COL20A1: variants seen among roughly 807,000 people sequenced by gnomAD.
COL20A1 encodes the protein collagen type XX alpha 1 chain, also known as collagen alpha-1(XX) chain.
Under a neutral mutation model 152.9 loss-of-function variants are expected in COL20A1, and 164 were observed. The ratio of observed to expected loss-of-function variants is 1.07; its 90% CI spans 0.94 to 1.22. COL20A1 has a LOEUF of 1.22. Among genes scored for constraint, COL20A1 ranks in the 50% most tolerant of loss-of-function variants. The pLI is 0.00. For missense variants in COL20A1, 1,873 were observed against 1,744.8 expected (o/e 1.07, Z -1.31); for synonymous variants, 864 against 756.0 (o/e 1.14, Z -2.34).
At chr20:63,312,304 C>T (rs972844568) in intron 14 of COL20A1, 116 bp from the exon 15 acceptor site, 11 of 1,284,978 alleles carry the variant, frequency 8.6e-6, no homozygotes, top group Admixed American at 5.9e-5. Context: ...CCATTTTCCC[C>T]GTTTCTGGGG....
Position 63,319,651 on chromosome 20 carries a change from AG to A in COL20A1, c.2916+56del. 1 of 1,298,404 alleles carries A rather than the reference AG, an allele frequency of 7.7e-7. No homozygotes were observed. The highest frequency in any genetic ancestry group is 1.1e-6 in the Non-Finnish European group (1 of 922,844). 80.4% of individuals were successfully genotyped at this position (1,298,404 alleles called of 1,614,324 possible). A position where few individuals can be genotyped will look rare whatever the true frequency, so the allele number is the denominator to read the frequency against. On this transcript the variant is annotated intron_variant, in intron 23 of 35. Transcript: ENST00000358894. This position sits in a 1 kb window ranked among gnomAD's most constrained non-coding sequence, Gnocchi z 4.4. ...CGTTCCCCCAGCTCTGGGGCAGCCC[AG>A]CCCCACAGGGACCTGCCGGATGCCA...
rs570720712 is a variant in COL20A1 at position 63,331,658 on chromosome 20, G to C, written c.*942G>C. ...TCTGGGCCTTGTGGCCCGTGGGGGTGATGTGGGAACTTCTACTTCCTTTCC... is the reference window on the plus strand; with the variant it reads ...TCTGGGCCTTGTGGCCCGTGGGGGTCATGTGGGAACTTCTACTTCCTTTCC... On this transcript the variant is annotated 3_prime_UTR_variant, in exon 36 of 36. Transcript: ENST00000358894. 17 of 152,346 alleles carry C rather than the reference G, an allele frequency of 1.1e-4. No individual in the cohort carries two copies. The highest frequency in any genetic ancestry group is 4.1e-4 in the African/African-American group (17 of 41,578). 9.4% of individuals were successfully genotyped at this position (152,346 alleles called of 1,614,324 possible). A position where few individuals can be genotyped will look rare whatever the true frequency, so the allele number is the denominator to read the frequency against.
chr20:63,325,466 A>G lies in COL20A1; in HGVS notation c.3320A>G (p.Lys1107Arg). The G allele has an allele frequency of 6.2e-7, 1 of 1,612,658 alleles. No individual in the cohort carries two copies. Among genetic ancestry groups the G allele is most frequent in the Non-Finnish European group, 8.5e-7 (1 of 1,179,542 alleles). ...GGTCCACCAGGGGTCAAAGGAGAGAAGGGAGACCATGGGCTTCCAGGCTTG... is the reference window on the plus strand; with the variant it reads ...GGTCCACCAGGGGTCAAAGGAGAGAGGGGAGACCATGGGCTTCCAGGCTTG... ...PRGPPGVKGE[K>R]GDHGLPGLQG... Residue 1107 changes from lysine to arginine, a missense_variant, in exon 28 of 36, where the codon AAG (lysine) becomes AGG (arginine). Transcript: ENST00000358894.
In COL20A1 at chr20:63,308,724, C is replaced by T. The variant is rs1191786794; in HGVS notation, c.940+18C>T. ...CGCTGTGGGTGAGCACCATGCGGCT[C>T]CCCCGGCCCTGGAGTCTCACCGCCG... On this transcript the variant is annotated intron_variant, in intron 8 of 35. Transcript: ENST00000358894. 6.4e-7 allele frequency: 1 copy of T among 1,565,932 alleles called. No homozygotes were observed. The highest frequency in any genetic ancestry group is 1.7e-4 in the Middle Eastern group (1 of 5,942).
rs1601419896 is a variant in COL20A1 at position 63,311,897 on chromosome 20, G to T, written c.1664-19G>T. The T allele has an allele frequency of 6.6e-7, 1 of 1,526,268 alleles. No homozygotes were observed. Among genetic ancestry groups the T allele is most frequent in the East Asian group, 2.4e-5 (1 of 41,390 alleles). 94.5% of individuals were successfully genotyped at this position (1,526,268 alleles called of 1,614,324 possible). On this transcript the variant is annotated intron_variant, in intron 13 of 35. Transcript: ENST00000358894. The surrounding 1 kb of genome is among the most constrained non-coding windows in gnomAD (Gnocchi z 4.4). ...ATGGAGGCCGCGTGCTGGCCTTGAGGCTCTGCTGTGCTTTGCAGCCACCCT... is the reference window on the plus strand; with the variant it reads ...ATGGAGGCCGCGTGCTGGCCTTGAGTCTCTGCTGTGCTTTGCAGCCACCCT...
chr20:63,315,070 C>T (rs555862895), intron 19 of COL20A1, among the ~76,000 whole-genome samples: 72 of 152,312 alleles, frequency 4.7e-4, no homozygotes, highest in African/African-American at 1.7e-3. Flanking sequence ...CTGGCCCTGC[C>T]AGTTCAGGGC....
chr20:63,327,065 AC>A, intron 31 of COL20A1: 1 of 435,162 alleles, frequency 2.3e-6, no homozygotes, highest in Non-Finnish European at 4.1e-6. Flanking sequence ...CCTGTTGACC[AC>A]CCAAGGACTT....
Position 63,332,395 on chromosome 20 carries a change from G to A in COL20A1, c.*1679G>A, listed in dbSNP as rs573391888. ...AAAACAGCTTGGTTGCTCTCACTTGGTTTCTCCAGGGCGGGGAATTACATG... is the reference window on the plus strand; with the variant it reads ...AAAACAGCTTGGTTGCTCTCACTTGATTTCTCCAGGGCGGGGAATTACATG... On this transcript the variant is annotated 3_prime_UTR_variant, in exon 36 of 36. Transcript: ENST00000358894. 3.3e-5 allele frequency: 5 copies of A among 152,272 alleles called. No individual in the cohort carries two copies. Among genetic ancestry groups the A allele is most frequent in the Admixed American group, 6.5e-5 (1 of 15,286 alleles). 9.4% of individuals were successfully genotyped at this position (152,272 alleles called of 1,614,324 possible). A position where few individuals can be genotyped will look rare whatever the true frequency, so the allele number is the denominator to read the frequency against.
chr20:63,318,629 C>G (rs1325915248), intron 21 of COL20A1, among the ~76,000 whole-genome samples: 1 of 152,136 alleles, frequency 6.6e-6, no homozygotes, highest in Admixed American at 6.5e-5. Context: ...GGCCGGCACC[C>G]CTCACCCTCA....
At position 63,319,844 on chromosome 20, in the gene COL20A1, C is replaced by T. The variant is rs1451916913; in HGVS notation, c.2917-195C>T. On this transcript the variant is annotated intron_variant, in intron 23 of 35. Coordinates refer to ENST00000358894, the MANE Select transcript of COL20A1 (RefSeq NM_020882.4). The surrounding 1 kb of genome is among the most constrained non-coding windows in gnomAD (Gnocchi z 4.4). ...GCTCCTGCAGCAGGTGCCATTTGGT[C>T]CATTTTACAGAGGGGAAGCCGAGGC... Among the ~76,000 whole-genome samples, 1 of 152,150 alleles carries T rather than the reference C, an allele frequency of 6.6e-6. No individual in the cohort carries two copies. Among genetic ancestry groups the T allele is most frequent in the Non-Finnish European group, 1.5e-5 (1 of 67,994 alleles).
At chr20:63,316,771 G>A in intron 21 of COL20A1, 80 bp downstream of exon 21, 2 of 1,351,050 alleles carry the variant, frequency 1.5e-6, no homozygotes, top group South Asian at 1.5e-5. Flanking sequence ...TGGGGGGGCG[G>A]GCATGGGCCG....
At chr20:63,329,729 G>C in intron 35 of COL20A1, 68 bp downstream of exon 35, 6 of 1,154,702 alleles carry the variant, frequency 5.2e-6, no homozygotes, top group Non-Finnish European at 6.0e-6. Context: ...GCTCCTGAGG[G>C]GCCAACGGGT....
intron 35 of COL20A1, among the ~76,000 whole-genome samples, chr20:63,330,021 G>A (rs1316109908): frequency 6.6e-6 from 1 of 152,120 alleles, no homozygotes; most frequent in East Asian, 1.9e-4. Flanking sequence ...TGGAGCTCAG[G>A]TGTTTGCTCA....
At position 63,311,480 on chromosome 20, in the gene COL20A1, A is replaced by T; in HGVS notation, c.1480A>T (p.Thr494Ser). Reference protein sequence around the residue: ...HLTWQPSAGATHYLVRCSPAS... With the variant: ...HLTWQPSAGASHYLVRCSPAS... Reference sequence around the variant, plus strand: ...CACCTGGCAGCCCTCGGCCGGGGCCACCCACTACCTGGTGCGATGTTCTCC... The same window carrying T: ...CACCTGGCAGCCCTCGGCCGGGGCCTCCCACTACCTGGTGCGATGTTCTCC... The change falls in exon 12 of 36, where the codon ACC becomes TCC. Residue 494 changes from threonine (T) to serine (S), a missense_variant. Transcript: ENST00000358894. The surrounding 1 kb of genome is among the most constrained non-coding windows in gnomAD (Gnocchi z 4.4). The T allele has an allele frequency of 3.2e-6, 5 of 1,578,210 alleles. No homozygotes were observed. In the African/African-American group the frequency reaches 5.4e-5, roughly 17 times the overall value.
chr20:63,326,312 G>A (rs2068247167), intron 30 of COL20A1, among the ~76,000 whole-genome samples, 163 bp downstream of exon 30: 3 of 152,268 alleles, frequency 2.0e-5, no homozygotes. Context: ...CCCTGTGGGT[G>A]GGTGAGCGTC....
At chr20:63,308,198 C>G (rs138449406) in intron 7 of COL20A1, 108 bp downstream of exon 7, 2 of 1,361,334 alleles carry the variant, frequency 1.5e-6, no homozygotes, top group African/African-American at 2.9e-5. Flanking sequence ...TGGTGTGGAC[C>G]TGAGCCCTGT....
chr20:63,308,002 T>C lies in COL20A1; in HGVS notation c.687T>C (p.Thr229=), dbSNP rs550156423. 6.2e-7 allele frequency: 1 copy of C among 1,612,558 alleles called. No homozygotes were observed. Among genetic ancestry groups the C allele is most frequent in the South Asian group, 1.1e-5 (1 of 91,082 alleles). The change falls in exon 7 of 36, where the codon ACT becomes ACC. Residue 229 remains threonine (T), a synonymous_variant. Transcript: ENST00000358894. ...GLTQYSGDAQ[T]EWDLNSLSTK... ...CTCAGTACAGCGGGGATGCTCAGAC[T>C]GAGTGGGACCTGAACTCCCTCAGCA...
intron 15 of COL20A1, 60 bp downstream of exon 15, chr20:63,312,609 C>A (rs889081350): frequency 1.3e-6 from 2 of 1,509,382 alleles, no homozygotes; most frequent in Non-Finnish European, 8.9e-7. Flanking sequence ...TTCTGCCCTG[C>A]TAGACAGTTC....
chr20:63,316,449 C>A, intron 20 of COL20A1, 104 bp from the exon 21 acceptor site: 1 of 828,320 alleles, frequency 1.2e-6, no homozygotes, highest in East Asian at 3.1e-5. Flanking sequence ...TCCCACCGCA[C>A]TGCAGCCCCT....
Sources: gnomAD v4.1 joint callset for allele counts (sites outside exome capture counted in the v4.1 genomes callset) on GRCh38, gnomAD v4.1.1 for gene constraint, Gnocchi (gnomAD v3.1) non-coding constraint, MANE v1.5 for transcripts, NCBI Gene and HGNC (gene_info 2026-07-23, HGNC 2026-07-21) for gene names.